Variants in SDHA observed in about 807,000 individuals in gnomAD.
SDHA encodes the protein succinate dehydrogenase [ubiquinone] flavoprotein subunit, mitochondrial.
SDHA carries 48 observed loss-of-function variants against 78.4 expected under a neutral mutation model. That is an observed-to-expected ratio of 0.61 (90% CI 0.49 to 0.78). The LOEUF is 0.78. Among genes scored for constraint, SDHA ranks in the 30% least tolerant of loss-of-function variants. The pLI is 0.00. For missense variants in SDHA, 680 were observed against 892.7 expected (o/e 0.76, Z 3.04); for synonymous variants, 326 against 353.9 (o/e 0.92, Z 0.88).
In SDHA at chr5:251,141, C is replaced by T. The variant is rs777333286; in HGVS notation, c.1663+38C>T. The T allele has an allele frequency of 1.9e-6, 3 of 1,600,256 alleles. No homozygotes were observed. The African/African-American group carries it at 4.0e-5, about 21-fold the overall frequency. ...TGGGCTCTGTGCACACTGTTGGGCC[C>T]TTCCTTCTGCAGGGTGGGCTGGTGT... On this transcript the variant is annotated intron_variant, in intron 12 of 14. Transcript: ENST00000264932.
chr5:223,573 G>T lies in SDHA; in HGVS notation c.150+5G>T, dbSNP rs770610694. The T allele has an allele frequency of 1.9e-6, 3 of 1,608,702 alleles. No homozygotes were observed. The African/African-American group carries it at 4.0e-5, about 22-fold the overall frequency. The stretch of plus-strand genomic sequence containing the variant: ...TCTGCTAAAGTTTCAGATTCCGTAA[G>T]TTCATGCTTTTTGTTCCATTATAAA... On this transcript the variant is annotated splice_donor_5th_base_variant and intron_variant, in intron 2 of 14. Transcript: ENST00000264932.
intron 7 of SDHA, among the ~76,000 whole-genome samples, chr5:232,871 A>T (rs1346818798): frequency 3.3e-5 from 5 of 152,158 alleles, no homozygotes; most frequent in African/African-American, 9.7e-5. Context: ...CCGCCGGACT[A>T]CCCAGGTTTG....
rs1334414249 is a variant in SDHA at position 237,515 on chromosome 5, A to G, written c.1432+916A>G. Among the ~76,000 whole-genome samples the G allele has an allele frequency of 3.4e-4, 45 of 133,584 alleles. 14 individuals are homozygous for G. Among genetic ancestry groups the G allele is most frequent in the African/African-American group, 1.6e-3 (44 of 27,236 alleles). 87.6% of individuals were successfully genotyped at this position (133,584 alleles called of 152,430 possible). On this transcript the variant is annotated intron_variant, in intron 10 of 14. Coordinates refer to ENST00000264932, the MANE Select transcript of SDHA (RefSeq NM_004168.4). ...GTGCACTAAGAACGGGGCAGTTAGC[A>G]TCTCTCCCACCTCCAGACATCCTCA... is the stretch of plus-strand genomic sequence containing the variant.
the SDHA span, among the ~76,000 whole-genome samples, chr5:262,250 TCCCGTCACA>T: frequency 2.1e-4 from 25 of 118,884 alleles, 1 homozygote; most frequent in African/African-American, 3.5e-4. Flanking sequence ...GAGCTCCGCC[TCCCGTCACA>T]GCATTACCGT....
intron 2 of SDHA, 128 bp downstream of exon 2, chr5:223,696 C>G: frequency 1.4e-6 from 1 of 697,154 alleles, no homozygotes; most frequent in South Asian, 1.6e-5. Flanking sequence ...CCAATGCATG[C>G]TGAAATTATT....
chr5:252,507 C>A (rs1736905748), intron 13 of SDHA, among the ~76,000 whole-genome samples: 2 of 145,084 alleles, frequency 1.4e-5, no homozygotes, highest in Non-Finnish European at 1.5e-5. Flanking sequence ...GGAGGAAATG[C>A]CAGTTTATTA....
intron 10 of SDHA, 72 bp from the exon 11 acceptor site, chr5:240,286 G>T: frequency 2.2e-6 from 2 of 919,220 alleles, no homozygotes; most frequent in Non-Finnish European, 3.5e-6. Flanking sequence ...ACATGTTTGT[G>T]TGTCATTCTA....
At chr5:224,653 T>G (rs1437898840) in intron 3 of SDHA, 132 bp downstream of exon 3, 1 of 941,196 alleles carries the variant, frequency 1.1e-6, no homozygotes. Context: ...CTTACTCAGC[T>G]CACCCTCTCA....
intron 3 of SDHA, 141 bp downstream of exon 3, chr5:224,662 CA>C: frequency 2.3e-6 from 2 of 854,358 alleles, no homozygotes; most frequent in South Asian, 2.9e-5. Context: ...CTCACCCTCT[CA>C]GGGGTCTCTC....
At chr5:232,870 T>G (rs1316089921) in intron 7 of SDHA, among the ~76,000 whole-genome samples, 1 of 152,224 alleles carries the variant, frequency 6.6e-6, no homozygotes, top group East Asian at 1.9e-4. Context: ...ACCGCCGGAC[T>G]ACCCAGGTTT....
chr5:225,341 C>T (rs1023347173), intron 3 of SDHA, 78 bp from the exon 4 acceptor site: 2 of 1,594,890 alleles, frequency 1.3e-6, no homozygotes, highest in Admixed American at 3.3e-5. Flanking sequence ...CTGAATCCCC[C>T]CAGCGGGTGG....
rs781436294 is a variant in SDHA at position 225,572 on chromosome 5, G to A, written c.456+10G>A. ...CGCCGCCGTGGTCGAGGTGATGGGC[G>A]GGAGGCTCTGGGTGTTCTCGTGGTC... is the stretch of plus-strand genomic sequence containing the variant. On this transcript the variant is annotated intron_variant, in intron 4 of 14. Transcript: ENST00000264932. 18 of 1,613,720 alleles carry A rather than the reference G, an allele frequency of 1.1e-5. No individual in the cohort carries two copies. In the Admixed American group the frequency reaches 2.0e-4, roughly 18 times the overall value.
intron 13 of SDHA, among the ~76,000 whole-genome samples, chr5:254,185 GT>G (rs1347334050): frequency 2.0e-5 from 3 of 147,346 alleles, no homozygotes; most frequent in Non-Finnish European, 3.0e-5. Context: ...ATGGATTACT[GT>G]GGACTCACTG....
intron 13 of SDHA, among the ~76,000 whole-genome samples, chr5:252,285 TATTA>T (rs1274479841): frequency 7.8e-6 from 1 of 128,146 alleles, no homozygotes; most frequent in Admixed American, 7.5e-5. Context: ...AATGCCCGTT[TATTA>T]AATAACGAGT....
chr5:221,335 C>T (rs1734702796), intron 1 of SDHA, among the ~76,000 whole-genome samples: 1 of 152,260 alleles, frequency 6.6e-6, no homozygotes, highest in East Asian at 1.9e-4. Flanking sequence ...AGACTTCTTG[C>T]CTAGAGAGGG....
rs377104463 is a variant in SDHA, at chr5:236,611, C to T, written c.1432+12C>T. ...GTCATGCAGGCCTGGTAAGTGTTTT[C>T]TTCAGGAGCCAGACTATTTGAGAAG... On this transcript the variant is annotated intron_variant, in intron 10 of 14. Transcript: ENST00000264932. The T allele has an allele frequency of 2.5e-6, 4 of 1,612,868 alleles. No individual in the cohort carries two copies. The highest frequency in any genetic ancestry group is 2.7e-5 in the African/African-American group (2 of 74,872).
At chr5:266,147 T>A in the SDHA span, among the ~76,000 whole-genome samples, 1 of 152,372 alleles carries the variant, frequency 6.6e-6, no homozygotes, top group South Asian at 2.1e-4. Flanking sequence ...TGACATGTAA[T>A]GGGATGACTT....
chr5:233,913 C>T (rs1560995227), intron 8 of SDHA: 12 of 443,096 alleles, frequency 2.7e-5, no homozygotes, highest in South Asian at 1.5e-4. Flanking sequence ...GAGAGAGACA[C>T]ACACCCAACC....
chr5:251,460 G>T lies in SDHA; in HGVS notation c.1786G>T (p.Asp596Tyr), dbSNP rs371304688. ...KESRGAHARE[D>Y]YKVRIDEYDY... ...GTCACGGGGCGCGCATGCCAGGGAA[G>T]ACTACAAGGTGGGCCTTCTCACCAC... The change falls in exon 13 of 15, where the codon GAC becomes TAC. Residue 596 changes from aspartate to tyrosine, a missense_variant. Coordinates refer to ENST00000264932, the MANE Select transcript of SDHA (RefSeq NM_004168.4). The T allele has an allele frequency of 6.2e-7, 1 of 1,613,872 alleles. No homozygotes were observed. The highest frequency in any genetic ancestry group is 8.5e-7 in the Non-Finnish European group (1 of 1,179,878).
Sources: allele counts gnomAD v4.1 joint callset (sites outside exome capture counted in the v4.1 genomes callset), GRCh38; gene constraint gnomAD v4.1.1; transcripts MANE v1.5; gene names NCBI Gene and HGNC (gene_info 2026-07-23, HGNC 2026-07-21).